The following CEP83 variants were observed in gnomAD, a reference collection of about 807,000 sequenced individuals.
CEP83 encodes centrosomal protein of 83 kDa.
In CEP83, 70 loss-of-function variants were observed where a neutral mutation model predicts 101.9. The observed-to-expected ratio is 0.69, with a 90% CI of 0.57 to 0.84. CEP83 has a LOEUF of 0.84. Among genes scored for constraint, CEP83 ranks in the 40% least tolerant of loss-of-function variants. The pLI is 0.00. For synonymous variants in CEP83, 264 were observed against 267.9 expected, an observed-to-expected ratio of 0.99 and a Z score of 0.14; for missense variants, 715 against 787.2, an observed-to-expected ratio of 0.91 and a Z score of 1.10.
chr12:94,424,096 C>T, intron 2 of CEP83: 2 of 1,608,690 alleles, frequency 1.2e-6, no homozygotes, highest in Non-Finnish European at 1.7e-6. Context: ...GAGTCACTCT[C>T]TGATACGAAG....
chr12:94,357,370 T>A lies in CEP83; in HGVS notation c.1343+10424A>T, dbSNP rs553954875. Among the ~76,000 whole-genome samples the A allele has an allele frequency of 3.6e-4, 54 of 151,960 alleles. No homozygotes were observed. The Middle Eastern group carries it at 0.01, about 29-fold the overall frequency. ...ATACTAAAAAAGAATGTAGAAAAAA[T>A]CAGCGAGTCAGGCCACCAGATAGGG... On this transcript the variant is annotated intron_variant, in intron 11 of 16. Transcript: ENST00000397809.
intron 11 of CEP83, among the ~76,000 whole-genome samples, chr12:94,354,549 C>T (rs2060354823): frequency 6.6e-6 from 1 of 151,984 alleles, no homozygotes; most frequent in South Asian, 2.1e-4. Flanking sequence ...TGTTAGGCCA[C>T]AAAACAAGTC....
the CEP83 span, chr12:94,280,143 C>T: frequency 4.1e-5 from 11 of 267,680 alleles, 1 homozygote; most frequent in Admixed American, 1.0e-4. Flanking sequence ...GTATATGCTC[C>T]GTCCTCCCTC....
At chr12:94,453,773 G>C (rs1456094128) in intron 1 of CEP83, among the ~76,000 whole-genome samples, 1 of 152,156 alleles carries the variant, frequency 6.6e-6, no homozygotes, top group Non-Finnish European at 1.5e-5. Flanking sequence ...TCAAGCCTTG[G>C]TCTCCTGAAT....
intron 3 of CEP83, 48 bp from the exon 4 acceptor site, chr12:94,411,895 T>G: frequency 6.9e-7 from 1 of 1,447,494 alleles, no homozygotes; most frequent in Non-Finnish European, 9.6e-7. Context: ...CCTTTCTTTC[T>G]AATTGCATTA....
intron 14 of CEP83, among the ~76,000 whole-genome samples, chr12:94,331,247 C>T (rs2059186989): frequency 8.5e-6 from 1 of 117,996 alleles, no homozygotes; most frequent in East Asian, 2.7e-4. Context: ...GCCAAGATTG[C>T]ACCACTGCAA....
chr12:94,428,031 G>A (rs191218191), intron 2 of CEP83, among the ~76,000 whole-genome samples: 493 of 152,312 alleles, frequency 3.2e-3, no homozygotes, highest in Admixed American at 6.3e-3. Context: ...ATGAGAAAAG[G>A]AAGAAGATAT....
the CEP83 span, among the ~76,000 whole-genome samples, chr12:94,267,899 T>C: frequency 3.3e-5 from 5 of 152,092 alleles, no homozygotes; most frequent in Non-Finnish European, 7.4e-5. Context: ...CACCCAGCCA[T>C]TTTAGGACTT....
At chr12:94,362,993 A>C (rs776170565) in intron 11 of CEP83, among the ~76,000 whole-genome samples, 1 of 152,244 alleles carries the variant, frequency 6.6e-6, no homozygotes, top group Non-Finnish European at 1.5e-5. Flanking sequence ...TATTTCATAG[A>C]ACTAGAGAGT....
At chr12:94,394,080 TC>T (rs1416431285) in intron 6 of CEP83, among the ~76,000 whole-genome samples, 9 of 152,258 alleles carry the variant, frequency 5.9e-5, no homozygotes, top group African/African-American at 1.9e-4. Context: ...GCCATCCCCA[TC>T]AAGCTACCAA....
chr12:94,333,465 T>C lies in CEP83; in HGVS notation c.1577+17A>G. ...GAAAAAAGAAAAAATAGTTTGTACATAAAGAGCAAACTCTACTTTTCAGCT... is the reference window on the plus strand; with the variant it reads ...GAAAAAAGAAAAAATAGTTTGTACACAAAGAGCAAACTCTACTTTTCAGCT... On this transcript the variant is annotated intron_variant, in intron 13 of 16. Coordinates refer to ENST00000397809, the MANE Select transcript of CEP83 (RefSeq NM_016122.3). 1 of 1,605,310 alleles carries C rather than the reference T, an allele frequency of 6.2e-7. No homozygotes were observed. Among genetic ancestry groups the C allele is most frequent in the African/African-American group, 1.3e-5 (1 of 74,264 alleles).
At position 94,335,614 on chromosome 12, in the gene CEP83, T is replaced by G. The variant is rs779684041; in HGVS notation, c.1394A>C (p.Lys465Thr). The G allele has an allele frequency of 2.1e-5, 34 of 1,586,758 alleles. No homozygotes were observed. The highest frequency in any genetic ancestry group is 3.3e-4 in the Middle Eastern group (2 of 6,022). Residue 465 changes from lysine to threonine, a missense_variant, in exon 12 of 17, where the codon AAA becomes ACA. By Grantham distance (78) the Lys-to-Thr change is moderately conservative. Coordinates refer to ENST00000397809, the MANE Select transcript of CEP83 (RefSeq NM_016122.3). ...CTGTTTTAGGTCAGAATTTTCATTT[T>G]TTTCCTTCTCTGCATTTTCAATAGT... ...IVTIENAEKE[K>T]NENSDLKQQI...
At chr12:94,436,055 C>A (rs1317992467) in intron 1 of CEP83, among the ~76,000 whole-genome samples, 1 of 151,476 alleles carries the variant, frequency 6.6e-6, no homozygotes, top group South Asian at 2.1e-4. Flanking sequence ...CAAGGAATCA[C>A]CCTGTGGGAC....
At chr12:94,336,580 G>A (rs2059456747) in intron 11 of CEP83, among the ~76,000 whole-genome samples, 1 of 152,164 alleles carries the variant, frequency 6.6e-6, no homozygotes, top group African/African-American at 2.4e-5. Context: ...TGGATTAGCT[G>A]TTTAAATGTG....
chr12:94,333,545 C>T lies in CEP83; in HGVS notation c.1514G>A (p.Arg505Lys), dbSNP rs1394592340. 2.5e-6 allele frequency: 4 copies of T among 1,613,660 alleles called. No homozygotes were observed. The highest frequency in any genetic ancestry group is 3.3e-5 in the Admixed American group (2 of 59,950). The change falls in exon 13 of 17, where the codon AGA becomes AAA. Residue 505 changes from arginine to lysine, a missense_variant. Physicochemically the swap from Arg to Lys is conservative, Grantham distance 26 (BLOSUM62 2). Coordinates refer to ENST00000397809, the MANE Select transcript of CEP83 (RefSeq NM_016122.3). ...AAAATTTCGGCATTCTTGTTTTAATCTCTCCACCATTTCCTTCAGCATTTG... is the reference window on the plus strand; with the variant it reads ...AAAATTTCGGCATTCTTGTTTTAATTTCTCCACCATTTCCTTCAGCATTTG... Reference protein sequence around the residue: ...SNQMLKEMVERLKQECRNFRS... With the variant: ...SNQMLKEMVEKLKQECRNFRS...
At chr12:94,380,071 C>CAAAAAAA (rs11362391) in intron 6 of CEP83, among the ~76,000 whole-genome samples, 144 of 82,646 alleles carry the variant, frequency 1.7e-3, no homozygotes, top group Non-Finnish European at 2.4e-3. Flanking sequence ...CCCGGCCCTG[C>CAAAAAAA]AAAAAAAAAA....
At position 94,379,008 on chromosome 12, in the gene CEP83, C is replaced by A. The variant is rs201341346; in HGVS notation, c.584G>T (p.Arg195Leu). ...GAGATCAACATTAAGCAGCTGGTTA[C>A]GTAGTTCTTCTTTATCTTCCTCCAG... is the stretch of plus-strand genomic sequence containing the variant. ...ARLEEDKEEL[R>L]NQLLNVDLTK... Residue 195 changes from arginine to leucine, a missense_variant, in exon 7 of 17, where the codon CGT (arginine) becomes CTT (leucine). Coordinates refer to ENST00000397809, the MANE Select transcript of CEP83 (RefSeq NM_016122.3). 62 of 1,611,378 alleles carry A rather than the reference C, an allele frequency of 3.8e-5. No individual in the cohort carries two copies. Among genetic ancestry groups the A allele is most frequent in the Non-Finnish European group, 5.0e-5 (59 of 1,178,100 alleles).
intron 13 of CEP83, 140 bp downstream of exon 13, chr12:94,333,342 C>T: frequency 1.5e-6 from 1 of 648,698 alleles, no homozygotes; most frequent in Non-Finnish European, 2.6e-6. Flanking sequence ...ACATTATTAC[C>T]TCAGTAGACC....
intron 6 of CEP83, among the ~76,000 whole-genome samples, chr12:94,388,125 C>T (rs1238802497): frequency 2.6e-5 from 4 of 152,218 alleles, no homozygotes; most frequent in Admixed American, 6.5e-5. Context: ...GACACACACA[C>T]TCATATGTTC....
Sources: gnomAD v4.1 joint callset for allele counts (sites outside exome capture counted in the v4.1 genomes callset) on GRCh38, gnomAD v4.1.1 for gene constraint, MANE v1.5 for transcripts, NCBI Gene and HGNC (gene_info 2026-07-23, HGNC 2026-07-21) for gene names.